The following STAU1 variants were observed in gnomAD, a reference collection of about 807,000 sequenced individuals.
STAU1 encodes double-stranded RNA-binding protein Staufen homolog 1.
In STAU1, 13 loss-of-function variants were observed where a neutral mutation model predicts 62.9. That is an observed-to-expected ratio of 0.21 (90% confidence interval 0.13 to 0.33). The LOEUF is 0.33. STAU1 is among the 10% of genes least tolerant of loss of function. The pLI is 1.00. For missense variants in STAU1, 571 were observed against 712.1 expected (o/e 0.80, Z 2.25); for synonymous variants, 269 against 265.1 (o/e 1.01, Z -0.14).
intron 3 of STAU1, among the ~76,000 whole-genome samples, 194 bp downstream of exon 3, chr20:49,165,803 T>TCTGTCAACTGAGGCC (rs2093516714): frequency 7.2e-6 from 1 of 138,500 alleles, no homozygotes; most frequent in South Asian, 2.3e-4. Flanking sequence ...CCTACAATCG[T>TCTGTCAACTGAGGCC]CTGTCAACTG....
intron 6 of STAU1, among the ~76,000 whole-genome samples, chr20:49,130,568 A>G (rs2092728081): frequency 6.6e-6 from 1 of 152,220 alleles, no homozygotes; most frequent in African/African-American, 2.4e-5. Flanking sequence ...GGTGACGATA[A>G]CAATGGAGTA....
intron 3 of STAU1, among the ~76,000 whole-genome samples, chr20:49,165,704 T>C (rs545872119): frequency 9.8e-5 from 15 of 152,378 alleles, no homozygotes; most frequent in African/African-American, 3.4e-4. Context: ...TGGTATTTAC[T>C]GCTCAATTCT....
intron 6 of STAU1, among the ~76,000 whole-genome samples, chr20:49,125,224 A>C (rs1344901005): frequency 9.1e-6 from 1 of 109,618 alleles, no homozygotes; most frequent in South Asian, 2.8e-4. Context: ...AAAAAAAAAA[A>C]CGAAGGATAA....
rs2145783733 is a variant in STAU1 at position 49,113,852 on chromosome 20, G to C, written c.*1026C>G. On this transcript the variant is annotated 3_prime_UTR_variant, in exon 14 of 14. Transcript: ENST00000371856. The stretch of plus-strand genomic sequence containing the variant: ...TATCCTGTAGTGTAGTGAAAGCTAA[G>C]TCCTCAAGAGCCATATGTATAGATA... The C allele has an allele frequency of 6.5e-6, 1 of 152,684 alleles. No individual in the cohort carries two copies. The highest frequency in any genetic ancestry group is 3.4e-3 in the Middle Eastern group (1 of 294). 9.5% of individuals were successfully genotyped at this position (152,684 alleles called of 1,614,324 possible).
At chr20:49,142,499 C>G (rs2093031968) in intron 5 of STAU1, among the ~76,000 whole-genome samples, 1 of 152,178 alleles carries the variant, frequency 6.6e-6, no homozygotes, top group Admixed American at 6.5e-5. Context: ...GGGTCTACTG[C>G]TCCGTTCTAC....
chr20:49,126,640 C>CA (rs74314096), intron 6 of STAU1, among the ~76,000 whole-genome samples: 5 of 139,060 alleles, frequency 3.6e-5, no homozygotes, highest in Non-Finnish European at 7.7e-5. Flanking sequence ...CCAAGACACT[C>CA]AAAAAGAAAA....
chr20:49,149,595 A>G (rs1297939537), intron 5 of STAU1, among the ~76,000 whole-genome samples: 1 of 152,188 alleles, frequency 6.6e-6, no homozygotes, highest in Non-Finnish European at 1.5e-5. Context: ...AGCCTCCAAA[A>G]TAACTCAAAT....
At chr20:49,196,232 C>G in the STAU1 span, among the ~76,000 whole-genome samples, 1 of 148,082 alleles carries the variant, frequency 6.8e-6, no homozygotes, top group African/African-American at 2.5e-5. Flanking sequence ...GTCAGGAGAT[C>G]AAGACCATCC....
At chr20:49,215,255 G>T in the STAU1 span, among the ~76,000 whole-genome samples, 3 of 152,116 alleles carry the variant, frequency 2.0e-5, no homozygotes, top group Admixed American at 6.6e-5. Context: ...TTTGGAATGT[G>T]GTCACCGTCT....
At chr20:49,176,503 T>C (rs1302446868) in intron 1 of STAU1, among the ~76,000 whole-genome samples, 1 of 152,224 alleles carries the variant, frequency 6.6e-6, no homozygotes, top group African/African-American at 2.4e-5. Flanking sequence ...CTAAGTGTTT[T>C]TGCTTGTTTC....
intron 8 of STAU1, among the ~76,000 whole-genome samples, chr20:49,121,987 G>A (rs922639878): frequency 6.6e-6 from 1 of 152,098 alleles, no homozygotes; most frequent in African/African-American, 2.4e-5. Flanking sequence ...ATTTCATCTT[G>A]GGCAAACTAC....
chr20:49,119,239 C>T (rs2092407670), intron 9 of STAU1, among the ~76,000 whole-genome samples: 1 of 152,156 alleles, frequency 6.6e-6, no homozygotes, highest in Admixed American at 6.5e-5. Flanking sequence ...AGGCTGAGTG[C>T]AGTGGCATGA....
In STAU1 at chr20:49,134,432, GGGA is replaced by G. The variant is rs1301043208; in HGVS notation, c.609+1398_609+1400del. The G allele has an allele frequency of 3.7e-5, 10 of 271,124 alleles. 2 individuals are homozygous for G. The highest frequency in any genetic ancestry group is 1.5e-4 in the African/African-American group (2 of 13,352). The allele number at this position is 271,124 out of a possible 1,614,324, so 16.8% of individuals were successfully genotyped here. Reference sequence around the variant, plus strand: ...GGCGACAAGAGTGAAACTCATCTCAGGGAAAAAAAAAAAAAAAGCTCTGGGTTG... The same window carrying G: ...GGCGACAAGAGTGAAACTCATCTCAGAAAAAAAAAAAAAAGCTCTGGGTTG... On this transcript the variant is annotated intron_variant, in intron 6 of 13. Transcript: ENST00000371856.
At chr20:49,155,969 C>G (rs1444162329) in intron 3 of STAU1, among the ~76,000 whole-genome samples, 2 of 152,198 alleles carry the variant, frequency 1.3e-5, no homozygotes, top group Non-Finnish European at 1.5e-5. Context: ...AATGACACAG[C>G]CTCCAGGTCA....
chr20:49,205,465 A>G, the STAU1 span, among the ~76,000 whole-genome samples: 2 of 146,970 alleles, frequency 1.4e-5, no homozygotes, highest in Non-Finnish European at 3.0e-5. Flanking sequence ...TCCCGGGTTC[A>G]AGAGATTCTC....
chr20:49,152,340 CTTT>C (rs3092547), intron 4 of STAU1, among the ~76,000 whole-genome samples: 5 of 104,566 alleles, frequency 4.8e-5, no homozygotes, highest in Admixed American at 1.1e-4. Context: ...CCACTAATGT[CTTT>C]TTTTTTTTTT....
At chr20:49,126,055 A>G (rs966550109) in intron 6 of STAU1, among the ~76,000 whole-genome samples, 9 of 151,590 alleles carry the variant, frequency 5.9e-5, no homozygotes, top group Non-Finnish European at 1.3e-4. Flanking sequence ...ACAATCTCCA[A>G]ATGGACCAAA....
chr20:49,199,643 G>C, the STAU1 span, among the ~76,000 whole-genome samples: 1 of 151,014 alleles, frequency 6.6e-6, no homozygotes, highest in Non-Finnish European at 1.5e-5. Flanking sequence ...TGCGATCTTG[G>C]CTCACTGCAA....
intron 5 of STAU1, 114 bp from the exon 6 acceptor site, chr20:49,136,045 A>G: frequency 1.3e-6 from 1 of 758,580 alleles, no homozygotes; most frequent in Non-Finnish European, 2.1e-6. Context: ...GGATAGCTTG[A>G]GCCCAGGAGT....
Sources: gnomAD v4.1 joint callset for allele counts (sites outside exome capture counted in the v4.1 genomes callset) on GRCh38, gnomAD v4.1.1 for gene constraint, MANE v1.5 for transcripts, NCBI Gene and HGNC (gene_info 2026-07-23, HGNC 2026-07-21) for gene names.